ITK: variants seen among roughly 807,000 people sequenced by gnomAD.
ITK encodes the protein tyrosine-protein kinase ITK/TSK.
ITK carries 45 observed loss-of-function variants against 87.6 expected under a neutral mutation model. The observed-to-expected ratio is 0.51, with a 90% CI of 0.40 to 0.66. The LOEUF (loss-of-function observed/expected upper bound fraction) is 0.66. Among genes scored for constraint, ITK ranks in the 30% least tolerant of loss-of-function variants. ITK has a pLI of 0.00. For synonymous variants in ITK, 303 were observed against 273.6 expected, an observed-to-expected ratio of 1.11 and a Z score of -1.06; for missense variants, 605 against 766.3, an observed-to-expected ratio of 0.79 and a Z score of 2.48.
At chr5:157,185,350 T>G (rs573794957) in intron 1 of ITK, among the ~76,000 whole-genome samples, 1 of 152,116 alleles carries the variant, frequency 6.6e-6, no homozygotes, top group African/African-American at 2.4e-5. Flanking sequence ...GTGATTCCTC[T>G]GCCTCAGCCT....
intron 10 of ITK, 118 bp downstream of exon 10, chr5:157,240,313 G>A: frequency 1.0e-6 from 1 of 959,274 alleles, no homozygotes; most frequent in South Asian, 1.3e-5. Context: ...ATTCTCATAA[G>A]AGTGCAAGCC....
chr5:157,223,657 T>C (rs982964505), intron 6 of ITK, among the ~76,000 whole-genome samples: 1 of 152,084 alleles, frequency 6.6e-6, no homozygotes, highest in African/African-American at 2.4e-5. Flanking sequence ...TATTAACCCA[T>C]GCTCTGGAAT....
chr5:157,244,919 A>G (rs1230062529), intron 13 of ITK: 1 of 236,320 alleles, frequency 4.2e-6, no homozygotes, highest in East Asian at 1.0e-4. Context: ...TATGATTTGT[A>G]TGCACATTAA....
intron 6 of ITK, among the ~76,000 whole-genome samples, chr5:157,225,101 C>A (rs1188041151): frequency 6.6e-6 from 1 of 152,008 alleles, no homozygotes; most frequent in Non-Finnish European, 1.5e-5. Flanking sequence ...CTCAAGTGAT[C>A]CTCCCATCTC....
chr5:157,250,780 A>G (rs1430811046), intron 16 of ITK, among the ~76,000 whole-genome samples: 1 of 151,940 alleles, frequency 6.6e-6, no homozygotes, highest in Non-Finnish European at 1.5e-5. Context: ...CTGGGATTAT[A>G]AGTGTGAGTG....
chr5:157,219,579 C>T (rs1036399937), intron 5 of ITK, among the ~76,000 whole-genome samples: 1 of 152,198 alleles, frequency 6.6e-6, no homozygotes, highest in Non-Finnish European at 1.5e-5. Flanking sequence ...AAAGGAAGCT[C>T]TAAATCCTCA....
intron 1 of ITK, among the ~76,000 whole-genome samples, chr5:157,201,138 C>A (rs1218592494): frequency 6.6e-6 from 1 of 151,740 alleles, no homozygotes; most frequent in African/African-American, 2.4e-5. Context: ...AAATATTTGA[C>A]AAATCCAACA....
At chr5:157,201,318 T>TTA (rs57489795) in intron 1 of ITK, among the ~76,000 whole-genome samples, 3 of 150,590 alleles carry the variant, frequency 2.0e-5, no homozygotes, top group African/African-American at 4.9e-5. Context: ...TTTTTTTTTT[T>TTA]ATGGAGTCTT....
At chr5:157,210,510 T>C (rs1325600647) in intron 2 of ITK, among the ~76,000 whole-genome samples, 2 of 150,850 alleles carry the variant, frequency 1.3e-5, no homozygotes, top group African/African-American at 2.4e-5. Flanking sequence ...TTAACAGTAT[T>C]GTACCAATGA....
intron 1 of ITK, among the ~76,000 whole-genome samples, chr5:157,196,439 A>G (rs1054493422): frequency 9.2e-5 from 14 of 152,264 alleles, no homozygotes; most frequent in African/African-American, 3.1e-4. Context: ...GCATCTTTCC[A>G]TATGCTTAAA....
chr5:157,207,926 A>G lies in ITK; in HGVS notation c.139-963A>G, dbSNP rs144185408. On this transcript the variant is annotated intron_variant, in intron 1 of 16. Coordinates refer to ENST00000422843, the MANE Select transcript of ITK (RefSeq NM_005546.4). Reference sequence around the variant, plus strand: ...AAGGACTTAGACTTCAGGGATTTTTATCATTCAGGATTTCAGCATTCAGGA... The same window carrying G: ...AAGGACTTAGACTTCAGGGATTTTTGTCATTCAGGATTTCAGCATTCAGGA... Among the ~76,000 whole-genome samples, 8 of 152,310 alleles carry G rather than the reference A, an allele frequency of 5.3e-5. No individual in the cohort carries two copies. The East Asian group carries it at 1.5e-3, about 29-fold the overall frequency.
intron 10 of ITK, 70 bp downstream of exon 10, chr5:157,240,265 T>C (rs1296538655): frequency 2.1e-6 from 3 of 1,424,186 alleles, no homozygotes; most frequent in Non-Finnish European, 3.0e-6. Context: ...CAAGCATTAC[T>C]GCCTGAGCTC....
intron 1 of ITK, among the ~76,000 whole-genome samples, chr5:157,188,455 A>G (rs1753688875): frequency 6.6e-6 from 1 of 152,116 alleles, no homozygotes; most frequent in Non-Finnish European, 1.5e-5. Context: ...TTCCTGAACC[A>G]TAAGCACTCC....
Position 157,240,162 on chromosome 5 carries a change from C to G in ITK, c.952C>G (p.Leu318Val), listed in dbSNP as rs766625478. Residue 318 changes from leucine (L) to valine (V), a missense_variant, in exon 10 of 17, where the codon CTT becomes GTT. By Grantham distance (32) the Leu-to-Val change is conservative. Coordinates refer to ENST00000422843, the MANE Select transcript of ITK (RefSeq NM_005546.4). ...AAAGTATGTGTTCGATTCCATCCCT[C>G]TTCTCATCAACTATCACCAACATAA... ...AEKYVFDSIP[L>V]LINYHQHNGG... The G allele has an allele frequency of 1.2e-6, 2 of 1,614,022 alleles. No individual in the cohort carries two copies. Among genetic ancestry groups the G allele is most frequent in the East Asian group, 4.5e-5 (2 of 44,888 alleles).
Position 157,214,698 on chromosome 5 carries a change from T to C in ITK, c.454+379T>C, listed in dbSNP as rs74713072. On this transcript the variant is annotated intron_variant, in intron 4 of 16. Transcript: ENST00000422843. ...TGCTATAACCTGCATTTGAATGGCA[T>C]GGTCTATTTAAATCTTAATTAAAGA... Among the ~76,000 whole-genome samples, 665 of 152,272 alleles carry C rather than the reference T, an allele frequency of 4.4e-3. 14 individuals are homozygous for C. The highest frequency in any genetic ancestry group is 0.028 in the East Asian group (147 of 5,184).
Position 157,254,990 on chromosome 5 carries a change from C to T in ITK, c.*2312C>T, listed in dbSNP as rs566116546. On this transcript the variant is annotated 3_prime_UTR_variant, in exon 17 of 17. Transcript: ENST00000422843. ...CAGAGTTTTGGTTCTAGTTTTATTTCGTAGATTTTGCATTTTGTACCTTTT... is the reference window on the plus strand; with the variant it reads ...CAGAGTTTTGGTTCTAGTTTTATTTTGTAGATTTTGCATTTTGTACCTTTT... 1.9e-4 allele frequency: 39 copies of T among 208,464 alleles called. No homozygotes were observed. Among genetic ancestry groups the T allele is most frequent in the African/African-American group, 6.8e-4 (30 of 43,994 alleles). The allele number at this position is 208,464 out of a possible 1,614,324, so 12.9% of individuals were successfully genotyped here.
intron 6 of ITK, among the ~76,000 whole-genome samples, chr5:157,224,673 C>T (rs770345903): frequency 6.6e-6 from 1 of 152,032 alleles, no homozygotes; most frequent in Non-Finnish European, 1.5e-5. Flanking sequence ...TCCAGCTACT[C>T]GGGAGGCTGG....
chr5:157,223,092 A>G (rs900545621), intron 6 of ITK, 78 bp downstream of exon 6: 4 of 1,541,598 alleles, frequency 2.6e-6, no homozygotes, highest in Admixed American at 1.7e-5. Flanking sequence ...GATTTGTCCT[A>G]TCTCCCACAG....
At chr5:157,183,148 T>A (rs1753571824) in intron 1 of ITK, among the ~76,000 whole-genome samples, 1 of 152,098 alleles carries the variant, frequency 6.6e-6, no homozygotes, top group Non-Finnish European at 1.5e-5. Context: ...TATAGAAGTT[T>A]ATTAATTAGA....
Sources: allele counts gnomAD v4.1 joint callset (sites outside exome capture counted in the v4.1 genomes callset), GRCh38; gene constraint gnomAD v4.1.1; transcripts MANE v1.5; gene names NCBI Gene and HGNC (gene_info 2026-07-23, HGNC 2026-07-21).